Variants in BRDT observed in about 807,000 individuals in gnomAD.
BRDT encodes the protein bromodomain testis associated.
A neutral mutation model predicts 113.9 loss-of-function variants in BRDT; 77 were observed. The observed-to-expected ratio is 0.68, with a 90% CI of 0.56 to 0.82. BRDT has a LOEUF of 0.82. Ranked by LOEUF, BRDT falls within the 40% of genes least tolerant of loss-of-function variation. BRDT has a pLI of 0.00. For synonymous variants in BRDT, 358 were observed against 366.5 expected (o/e 0.98, Z 0.26); for missense variants, 1,027 against 1,105.4 (o/e 0.93, Z 1.01).
intron 1 of BRDT, among the ~76,000 whole-genome samples, chr1:91,959,945 C>G (rs982264209): frequency 2.6e-5 from 4 of 152,168 alleles, no homozygotes; most frequent in African/African-American, 7.2e-5. Context: ...AAAACTGATT[C>G]CCAGGCGCTC....
At chr1:92,001,396 G>A (rs1219058172) in intron 15 of BRDT, among the ~76,000 whole-genome samples, 1 of 152,070 alleles carries the variant, frequency 6.6e-6, no homozygotes, top group African/African-American at 2.4e-5. Flanking sequence ...CAAAACTCAT[G>A]TTGAAATTTA....
chr1:91,970,762 T>C (rs919491056), intron 4 of BRDT, among the ~76,000 whole-genome samples: 4 of 151,952 alleles, frequency 2.6e-5, no homozygotes, highest in Non-Finnish European at 4.4e-5. Context: ...TTTGAAACTT[T>C]GCCAGGTATA....
intron 3 of BRDT, among the ~76,000 whole-genome samples, chr1:91,967,552 C>T (rs964500395): frequency 6.6e-6 from 1 of 152,198 alleles, no homozygotes; most frequent in African/African-American, 2.4e-5. Context: ...GCACGCACCA[C>T]CACGCCTGGC....
At chr1:91,956,066 T>C (rs1228726943) in intron 1 of BRDT, among the ~76,000 whole-genome samples, 1 of 152,226 alleles carries the variant, frequency 6.6e-6, no homozygotes, top group African/African-American at 2.4e-5. Context: ...TTTAAAGATA[T>C]ATTACAGATA....
chr1:91,966,502 G>C (rs935370692), intron 3 of BRDT, among the ~76,000 whole-genome samples: 1 of 152,134 alleles, frequency 6.6e-6, no homozygotes, highest in Admixed American at 6.5e-5. Flanking sequence ...AAGTAGCTGG[G>C]ATTATAGGCA....
At chr1:92,012,230 G>A (rs1687858671) in intron 18 of BRDT, among the ~76,000 whole-genome samples, 1 of 151,506 alleles carries the variant, frequency 6.6e-6, no homozygotes, top group African/African-American at 2.4e-5. Flanking sequence ...TCGGGAGGCA[G>A]AGGTTACAGT....
chr1:91,979,811 A>C, intron 8 of BRDT, 54 bp downstream of exon 8: 1 of 1,509,806 alleles, frequency 6.6e-7, no homozygotes, highest in South Asian at 1.4e-5. Context: ...CTAATCTATC[A>C]GGAAATTTTT....
intron 2 of BRDT, 89 bp downstream of exon 2, chr1:91,963,035 C>CAT: frequency 8.8e-7 from 1 of 1,130,276 alleles, no homozygotes; most frequent in South Asian, 1.9e-5. Flanking sequence ...TATTATAAAA[C>CAT]ATATTTGGCC....
rs1275419268 is a variant in BRDT, at chr1:91,962,714, TCAGGA to T, written c.-37-1_-34del. On this transcript the variant is annotated splice_acceptor_variant and splice_polypyrimidine_tract_variant and 5_prime_UTR_variant and intron_variant, in exon 2 of 19. Coordinates refer to ENST00000399546, the MANE Select transcript of BRDT (RefSeq NM_207189.4). LOFTEE classifies it low-confidence loss of function (5UTR_SPLICE). ...TTCTGAAGTACTCAGTTTTTGTTTTTCAGGACATGTACTTGTAGACAGGATTCAAA... is the reference window on the plus strand; with the variant it reads ...TTCTGAAGTACTCAGTTTTTGTTTTTCATGTACTTGTAGACAGGATTCAAA... The T allele has an allele frequency of 6.8e-7, 1 of 1,481,124 alleles. No homozygotes were observed. Among genetic ancestry groups the T allele is most frequent in the Admixed American group, 2.4e-5 (1 of 42,076 alleles). 91.7% of individuals were successfully genotyped at this position (1,481,124 alleles called of 1,614,324 possible). A position where few individuals can be genotyped will look rare whatever the true frequency, so the allele number is the denominator to read the frequency against.
chr1:92,004,694 G>A (rs1687147269), intron 17 of BRDT, 75 bp downstream of exon 17: 3 of 1,293,194 alleles, frequency 2.3e-6, no homozygotes, highest in Non-Finnish European at 3.1e-6. Flanking sequence ...TTTCTTATTT[G>A]TTAAGTGACT....
intron 12 of BRDT, among the ~76,000 whole-genome samples, chr1:91,990,253 T>C (rs985065517): frequency 2.0e-5 from 3 of 152,248 alleles, no homozygotes; most frequent in African/African-American, 7.2e-5. Flanking sequence ...GCAGAGGAGA[T>C]ACTATAAAAC....
chr1:92,004,285 T>G, intron 16 of BRDT, 129 bp from the exon 17 acceptor site: 2 of 582,058 alleles, frequency 3.4e-6, no homozygotes, highest in East Asian at 5.8e-5. Flanking sequence ...ACCTTTTACT[T>G]TAGTAAAAGT....
chr1:92,006,277 A>G (rs1687290465), intron 18 of BRDT, among the ~76,000 whole-genome samples: 1 of 152,220 alleles, frequency 6.6e-6, no homozygotes, highest in African/African-American at 2.4e-5. Flanking sequence ...TACTTCTGGT[A>G]AGAATTACTC....
intron 18 of BRDT, among the ~76,000 whole-genome samples, chr1:92,009,055 C>T (rs1368026193): frequency 6.6e-6 from 1 of 152,118 alleles, no homozygotes; most frequent in East Asian, 1.9e-4. Flanking sequence ...TATTAAATCT[C>T]TTGGAATTCC....
intron 15 of BRDT, among the ~76,000 whole-genome samples, chr1:92,000,535 AC>A (rs1421086204): frequency 2.0e-5 from 3 of 152,164 alleles, no homozygotes; most frequent in Non-Finnish European, 4.4e-5. Flanking sequence ...TCTTCTTCTA[AC>A]CTCAACCTCA....
chr1:91,999,947 C>T (rs1303780422), intron 15 of BRDT, among the ~76,000 whole-genome samples: 1 of 152,218 alleles, frequency 6.6e-6, no homozygotes, highest in Non-Finnish European at 1.5e-5. Context: ...GCAAATATGG[C>T]TCACTGCAGC....
chr1:91,983,838 C>T (rs760958874), intron 12 of BRDT, among the ~76,000 whole-genome samples: 1 of 152,016 alleles, frequency 6.6e-6, no homozygotes, highest in Non-Finnish European at 1.5e-5. Context: ...GATGCCACCA[C>T]ACCCAGCTCA....
At chr1:91,959,530 G>C (rs1682192843) in intron 1 of BRDT, among the ~76,000 whole-genome samples, 1 of 151,542 alleles carries the variant, frequency 6.6e-6, no homozygotes, top group Non-Finnish European at 1.5e-5. Context: ...ACCCAGGCTG[G>C]AGTGCAGTGG....
intron 1 of BRDT, among the ~76,000 whole-genome samples, chr1:91,956,921 A>C (rs915509029): frequency 6.6e-6 from 1 of 152,212 alleles, no homozygotes; most frequent in South Asian, 2.1e-4. Context: ...CTTGGGTGAC[A>C]GAGCAAGACC....
Sources: allele counts gnomAD v4.1 joint callset (sites outside exome capture counted in the v4.1 genomes callset), GRCh38; gene constraint gnomAD v4.1.1; transcripts MANE v1.5; gene names NCBI Gene and HGNC (gene_info 2026-07-23, HGNC 2026-07-21).